RYK: variants seen among roughly 807,000 people sequenced by gnomAD.
RYK encodes the protein inactive tyrosine-protein kinase RYK.
Under a neutral mutation model 70.2 loss-of-function variants are expected in RYK, and 21 were observed. The ratio of observed to expected loss-of-function variants is 0.30; its 90% CI spans 0.21 to 0.43. RYK has a LOEUF of 0.43. RYK is among the 20% of genes least tolerant of loss of function. RYK has a pLI of 1.00. For synonymous variants in RYK, 267 were observed against 278.0 expected, an observed-to-expected ratio of 0.96 and a Z score of 0.39; for missense variants, 604 against 753.3, an observed-to-expected ratio of 0.80 and a Z score of 2.32.
At chr3:134,192,100 C>G in intron 7 of RYK, 126 bp from the exon 8 acceptor site, 1 of 879,664 alleles carries the variant, frequency 1.1e-6, no homozygotes, top group Admixed American at 2.9e-5. Flanking sequence ...TAAAAGGAAA[C>G]AGGCATATAT....
chr3:134,228,828 A>G (rs35397189), intron 1 of RYK, among the ~76,000 whole-genome samples: 14,663 of 152,148 alleles, frequency 0.096, 909 homozygotes, highest in East Asian at 0.35. Flanking sequence ...AAAACACTGT[A>G]TATCACAAAA....
At chr3:134,200,559 T>C (rs1355717912) in intron 6 of RYK, among the ~76,000 whole-genome samples, 1 of 152,206 alleles carries the variant, frequency 6.6e-6, no homozygotes, top group African/African-American at 2.4e-5. Context: ...ATTCTGGACA[T>C]ACTAGCATAT....
rs1406451136 is a variant in RYK, at chr3:134,250,301, G to C, written c.232+122C>G. 11 of 428,966 alleles carry C rather than the reference G, an allele frequency of 2.6e-5. No individual in the cohort carries two copies. In the South Asian group the frequency reaches 9.8e-4, roughly 38 times the overall value. 26.6% of individuals were successfully genotyped at this position (428,966 alleles called of 1,614,324 possible). ...AGAGACCGGGCCGCGAGGCGAATCCGGGCGCGGGGGGCGGGGAGGGTACTC... is the reference window on the plus strand; with the variant it reads ...AGAGACCGGGCCGCGAGGCGAATCCCGGCGCGGGGGGCGGGGAGGGTACTC... On this transcript the variant is annotated intron_variant, in intron 1 of 14. Coordinates refer to ENST00000623711, the MANE Select transcript of RYK (RefSeq NM_002958.4).
At chr3:134,197,600 A>C (rs2013855962) in intron 6 of RYK, among the ~76,000 whole-genome samples, 1 of 152,234 alleles carries the variant, frequency 6.6e-6, no homozygotes, top group African/African-American at 2.4e-5. Flanking sequence ...ACTCTGTTTT[A>C]CAGTTGAGTA....
intron 1 of RYK, among the ~76,000 whole-genome samples, chr3:134,247,178 T>C (rs1331739053): frequency 6.6e-6 from 1 of 152,174 alleles, no homozygotes; most frequent in Non-Finnish European, 1.5e-5. Context: ...ATGTAAATAC[T>C]GCTATTTTTA....
intron 1 of RYK, among the ~76,000 whole-genome samples, chr3:134,223,154 C>G (rs1277362352): frequency 6.6e-6 from 1 of 152,172 alleles, no homozygotes; most frequent in Admixed American, 6.5e-5. Context: ...CTGCAGGACA[C>G]AGCTCTCTGC....
chr3:134,233,393 TATG>T (rs1478334720), intron 1 of RYK, among the ~76,000 whole-genome samples: 1 of 152,234 alleles, frequency 6.6e-6, no homozygotes, highest in African/African-American at 2.4e-5. Flanking sequence ...TTACACAGGT[TATG>T]ACACGTAATT....
At chr3:134,235,651 T>G (rs2015181804) in intron 1 of RYK, among the ~76,000 whole-genome samples, 1 of 152,112 alleles carries the variant, frequency 6.6e-6, no homozygotes, top group Admixed American at 6.6e-5. Flanking sequence ...TTGTTTCTAA[T>G]TACTATTAAT....
At chr3:134,169,904 A>C (rs1467746817) in intron 13 of RYK, among the ~76,000 whole-genome samples, 1 of 152,198 alleles carries the variant, frequency 6.6e-6, no homozygotes, top group Admixed American at 6.5e-5. Flanking sequence ...CCCCAACTTC[A>C]CCCATAAAGA....
In RYK at chr3:134,215,522, T is replaced by C. The variant is rs556484576; in HGVS notation, c.355-3915A>G. Among the ~76,000 whole-genome samples, 3 of 152,336 alleles carry C rather than the reference T, an allele frequency of 2.0e-5. No individual in the cohort carries two copies. In the East Asian group the frequency reaches 5.8e-4, roughly 29 times the overall value. ...TTTTCCCTCTGCAGTCTTTAAGATATAAATTTTAAAACTGCAGTTTCTGGG... is the reference window on the plus strand; with the variant it reads ...TTTTCCCTCTGCAGTCTTTAAGATACAAATTTTAAAACTGCAGTTTCTGGG... On this transcript the variant is annotated intron_variant, in intron 2 of 14. Transcript: ENST00000623711.
chr3:134,203,275 G>C (rs1346891946), intron 5 of RYK, among the ~76,000 whole-genome samples: 2 of 152,140 alleles, frequency 1.3e-5, no homozygotes, highest in Non-Finnish European at 2.9e-5. Context: ...TTGCACCTGG[G>C]AGGCAGAGGT....
chr3:134,246,333 CACACACACACAGAG>C (rs2015465272), intron 1 of RYK, among the ~76,000 whole-genome samples: 3 of 144,688 alleles, frequency 2.1e-5, no homozygotes, highest in African/African-American at 7.7e-5. Context: ...CACACACACA[CACACACACACAGAG>C]AGAGAGAAAA....
intron 1 of RYK, 25 bp downstream of exon 1, chr3:134,250,398 C>T (rs757805616): frequency 8.8e-6 from 12 of 1,356,386 alleles, no homozygotes; most frequent in Non-Finnish European, 1.1e-5. Context: ...GACCTGCCCG[C>T]CCCGGCCTCG....
At chr3:134,159,764 T>C (rs1020706455) in intron 13 of RYK, among the ~76,000 whole-genome samples, 1 of 152,188 alleles carries the variant, frequency 6.6e-6, no homozygotes, top group South Asian at 2.1e-4. Flanking sequence ...GCATCCTAAG[T>C]GAAATACGCA....
At chr3:134,181,727 G>C (rs889982651) in intron 10 of RYK, 1 of 152,066 alleles carries the variant, frequency 6.6e-6, no homozygotes, top group African/African-American at 2.4e-5. Flanking sequence ...TACAAATTAT[G>C]TTGACTCTAT....
In RYK at chr3:134,250,762, C is replaced by T; in HGVS notation, c.-108G>A. The T allele has an allele frequency of 3.6e-5, 15 of 412,672 alleles. No individual in the cohort carries two copies. Among genetic ancestry groups the T allele is most frequent in the South Asian group, 9.4e-5 (1 of 10,662 alleles). 25.6% of individuals were successfully genotyped at this position (412,672 alleles called of 1,614,324 possible). A position where few individuals can be genotyped will look rare whatever the true frequency, so the allele number is the denominator to read the frequency against. ...CCGAGCCGGGGGCGGCTGCCCAGCT[C>T]ATCGCACCGCCGGCCCGTGGCAGCC... On this transcript the variant is annotated 5_prime_UTR_variant, in exon 1 of 15. An upstream start codon of the reference 5' UTR is lost. Transcript: ENST00000623711.
In RYK at chr3:134,195,844, G is replaced by C. The variant is rs142090416; in HGVS notation, c.789-662C>G. ...GCCTGTAGTCCCAGTTACTCGGGAG[G>C]CTGATGCAGGAGAATCGCTTGAATC... On this transcript the variant is annotated intron_variant, in intron 6 of 14. Coordinates refer to ENST00000623711, the MANE Select transcript of RYK (RefSeq NM_002958.4). 6.6e-3 allele frequency among the ~76,000 whole-genome samples: 1,007 copies of C among 152,214 alleles called. 10 individuals are homozygous for C. Among genetic ancestry groups the C allele is most frequent in the African/African-American group, 0.023 (958 of 41,516 alleles).
chr3:134,193,693 G>T (rs569191546), intron 7 of RYK, among the ~76,000 whole-genome samples: 1 of 152,290 alleles, frequency 6.6e-6, no homozygotes, highest in Non-Finnish European at 1.5e-5. Context: ...TCATTAGTGG[G>T]AAGAGTAGCT....
chr3:134,201,029 A>G (rs2013997218), intron 6 of RYK, among the ~76,000 whole-genome samples: 2 of 152,228 alleles, frequency 1.3e-5, no homozygotes, highest in African/African-American at 2.4e-5. Flanking sequence ...CAAGCATTCA[A>G]GGAAAACGCA....
Sources: gnomAD v4.1 joint callset for allele counts (sites outside exome capture counted in the v4.1 genomes callset) on GRCh38, gnomAD v4.1.1 for gene constraint, MANE v1.5 for transcripts, NCBI Gene and HGNC (gene_info 2026-07-23, HGNC 2026-07-21) for gene names.